The following M1AP variants were observed in gnomAD, a reference collection of about 807,000 sequenced individuals.
M1AP encodes the protein meiosis 1 associated protein.
In M1AP, 39 loss-of-function variants were observed where a neutral mutation model predicts 51.2. The observed-to-expected ratio is 0.76, with a 90% CI of 0.59 to 1.00. The LOEUF (loss-of-function observed/expected upper bound fraction) is 1.00. Ranked by LOEUF, M1AP falls within the 50% of genes least tolerant of loss-of-function variation. M1AP has a pLI of 0.00. For synonymous variants in M1AP, 251 were observed against 249.2 expected, an observed-to-expected ratio of 1.01 and a Z score of -0.07; for missense variants, 545 against 641.2, an observed-to-expected ratio of 0.85 and a Z score of 1.62.
intron 2 of M1AP, among the ~76,000 whole-genome samples, chr2:74,631,598 C>T (rs1682710192): frequency 6.6e-6 from 1 of 151,878 alleles, no homozygotes; most frequent in Non-Finnish European, 1.5e-5. Context: ...TACTCTGAGT[C>T]CTAATATCTC....
intron 2 of M1AP, among the ~76,000 whole-genome samples, chr2:74,626,393 A>C (rs1203067372): frequency 1.3e-5 from 2 of 151,542 alleles, no homozygotes; most frequent in Non-Finnish European, 2.9e-5. Flanking sequence ...CTAGGATTAC[A>C]GTTGCAGGCC....
chr2:74,597,480 AC>A (rs1276514616), intron 4 of M1AP, among the ~76,000 whole-genome samples: 8 of 151,346 alleles, frequency 5.3e-5, no homozygotes, highest in Non-Finnish European at 1.2e-4. Flanking sequence ...TACCCACCCC[AC>A]CCCCAGCCCT....
intron 3 of M1AP, among the ~76,000 whole-genome samples, chr2:74,612,440 A>T (rs1258583834): frequency 1.3e-5 from 2 of 152,068 alleles, no homozygotes. Context: ...GGCTGGTCTC[A>T]AACTCCTGGC....
chr2:74,600,994 T>A (rs1248720366), intron 4 of M1AP, among the ~76,000 whole-genome samples: 2 of 152,156 alleles, frequency 1.3e-5, no homozygotes, highest in Non-Finnish European at 2.9e-5. Flanking sequence ...CATTTATTTG[T>A]TTGTGCCAGG....
intron 4 of M1AP, among the ~76,000 whole-genome samples, chr2:74,592,050 A>G (rs1423972658): frequency 1.3e-5 from 2 of 151,712 alleles, no homozygotes; most frequent in Non-Finnish European, 2.9e-5. Context: ...TGATCCACCC[A>G]CCTCGGCCTC....
At chr2:74,572,299 C>T (rs1447181685) in intron 7 of M1AP, among the ~76,000 whole-genome samples, 1 of 152,104 alleles carries the variant, frequency 6.6e-6, no homozygotes, top group Non-Finnish European at 1.5e-5. Context: ...GTCAACAGAA[C>T]TAGGTTCAAA....
intron 1 of M1AP, among the ~76,000 whole-genome samples, chr2:74,645,551 C>T (rs1434879992): frequency 1.3e-5 from 2 of 152,226 alleles, no homozygotes; most frequent in Non-Finnish European, 2.9e-5. Context: ...TGTGCCCTGT[C>T]AGTTTACCAT....
At chr2:74,576,666 G>C (rs1205149049) in intron 5 of M1AP, 48 bp from the exon 6 acceptor site, 1 of 1,593,524 alleles carries the variant, frequency 6.3e-7, no homozygotes, top group East Asian at 2.2e-5. Context: ...ATTGGAGGAA[G>C]GATTGTGGGT....
At chr2:74,585,185 G>A (rs891758078) in intron 4 of M1AP, among the ~76,000 whole-genome samples, 4 of 152,146 alleles carry the variant, frequency 2.6e-5, no homozygotes, top group Middle Eastern at 3.2e-3. Flanking sequence ...ATTGGAAGGG[G>A]AGAGGGTTGG....
At chr2:74,621,195 T>A (rs1317538640) in intron 2 of M1AP, among the ~76,000 whole-genome samples, 1 of 150,912 alleles carries the variant, frequency 6.6e-6, no homozygotes, top group Non-Finnish European at 1.5e-5. Flanking sequence ...GGCAGGAGAA[T>A]GGCATGAACC....
At chr2:74,567,805 G>A (rs551570737) in intron 7 of M1AP, among the ~76,000 whole-genome samples, 7 of 152,252 alleles carry the variant, frequency 4.6e-5, no homozygotes, top group Admixed American at 1.3e-4. Context: ...TGACATTTAC[G>A]GGAGTGGTGG....
intron 7 of M1AP, among the ~76,000 whole-genome samples, chr2:74,569,377 CTTTTT>C (rs1196526014): frequency 3.1e-5 from 4 of 128,698 alleles, no homozygotes; most frequent in Admixed American, 7.9e-5. Context: ...CCTCACTCTA[CTTTTT>C]TTTTTTTTTT....
chr2:74,590,609 A>G (rs1679985920), intron 4 of M1AP, among the ~76,000 whole-genome samples: 1 of 152,148 alleles, frequency 6.6e-6, no homozygotes, highest in Non-Finnish European at 1.5e-5. Flanking sequence ...TAGCCTTTTT[A>G]TAATCTTTTT....
At chr2:74,613,123 C>T (rs1335750987) in intron 3 of M1AP, among the ~76,000 whole-genome samples, 1 of 152,156 alleles carries the variant, frequency 6.6e-6, no homozygotes, top group Non-Finnish European at 1.5e-5. Context: ...ATCTCTAGCA[C>T]CTTTTTTTAT....
At chr2:74,559,551 G>A (rs529559437) in intron 10 of M1AP, 147 bp downstream of exon 10, 133 of 613,284 alleles carry the variant, frequency 2.2e-4, no homozygotes, top group African/African-American at 1.9e-3. Context: ...TATAGAACAC[G>A]GGTTTCATAA....
Position 74,603,721 on chromosome 2 carries a change from G to T in M1AP, c.595+3334C>A, listed in dbSNP as rs1172145249. On this transcript the variant is annotated intron_variant, in intron 4 of 10. Coordinates refer to ENST00000421985, the MANE Select transcript of M1AP (RefSeq NM_001321739.2). ...GCTCACAAATCACATGGCTAAGGCT[G>T]GTTGCCTTCCCTCCCCTGCCAGAAC... Among the ~76,000 whole-genome samples, 7 of 152,150 alleles carry T rather than the reference G, an allele frequency of 4.6e-5. No individual in the cohort carries two copies. In the South Asian group the frequency reaches 1.5e-3, roughly 32 times the overall value.
chr2:74,601,692 T>C (rs1329892413), intron 4 of M1AP, among the ~76,000 whole-genome samples: 1 of 152,106 alleles, frequency 6.6e-6, no homozygotes, highest in Non-Finnish European at 1.5e-5. Context: ...TAGAAGAAAA[T>C]ATATAATAGG....
At chr2:74,578,313 T>G (rs753705384) in intron 5 of M1AP, among the ~76,000 whole-genome samples, 1 of 152,160 alleles carries the variant, frequency 6.6e-6, no homozygotes, top group Non-Finnish European at 1.5e-5. Context: ...AATGTGCAGG[T>G]TTGTTACATA....
intron 10 of M1AP, 65 bp from the exon 11 acceptor site, chr2:74,558,939 T>G: frequency 6.9e-7 from 1 of 1,456,252 alleles, no homozygotes; most frequent in Non-Finnish European, 9.2e-7. Flanking sequence ...TCCCATTCTC[T>G]GTTGGGCTTC....
Sources: allele counts gnomAD v4.1 joint callset (sites outside exome capture counted in the v4.1 genomes callset), GRCh38; gene constraint gnomAD v4.1.1; transcripts MANE v1.5; gene names NCBI Gene and HGNC (gene_info 2026-07-23, HGNC 2026-07-21).